The following STK32C variants were observed in gnomAD, a reference collection of about 807,000 sequenced individuals.
The protein encoded by STK32C is serine/threonine-protein kinase 32C.
STK32C carries 31 observed loss-of-function variants against 56.5 expected under a neutral mutation model. The ratio of observed to expected loss-of-function variants is 0.55; its 90% CI spans 0.41 to 0.74. STK32C has a LOEUF of 0.74. Among genes scored for constraint, STK32C ranks in the 30% least tolerant of loss-of-function variants. STK32C has a pLI of 0.00. For synonymous variants in STK32C, 309 were observed against 289.4 expected (o/e 1.07, Z -0.69); for missense variants, 544 against 676.9 (o/e 0.80, Z 2.18).
intron 2 of STK32C, among the ~76,000 whole-genome samples, chr10:132,229,955 G>A (rs1436145251): frequency 6.6e-6 from 1 of 152,262 alleles, no homozygotes; most frequent in African/African-American, 2.4e-5. Flanking sequence ...CGTGGCCTCA[G>A]CACCTCCCTG....
intron 2 of STK32C, among the ~76,000 whole-genome samples, chr10:132,239,470 A>C (rs2063422365): frequency 2.0e-5 from 3 of 152,226 alleles, no homozygotes; most frequent in South Asian, 2.1e-4. Flanking sequence ...CCATTGCTCC[A>C]AAGTCCCCAG....
chr10:132,228,190 C>T, intron 2 of STK32C, 62 bp from the exon 3 acceptor site: 1 of 1,609,930 alleles, frequency 6.2e-7, no homozygotes, highest in Non-Finnish European at 8.5e-7. Flanking sequence ...GTGGGGACAC[C>T]TGGAAATGCA....
At chr10:132,215,429 TG>T (rs2062439730) in intron 10 of STK32C, among the ~76,000 whole-genome samples, 1 of 152,062 alleles carries the variant, frequency 6.6e-6, no homozygotes, top group Non-Finnish European at 1.5e-5. Flanking sequence ...GATTGAATTA[TG>T]GGGGCGGGTC....
At chr10:132,282,692 A>G (rs1448252695) in intron 1 of STK32C, among the ~76,000 whole-genome samples, 1 of 152,278 alleles carries the variant, frequency 6.6e-6, no homozygotes, top group African/African-American at 2.4e-5. Flanking sequence ...GCTTGCCATT[A>G]AGGAAGCCGA....
Position 132,307,331 on chromosome 10 carries a change from C to G in STK32C, c.262+241G>C. ...ACGCCACAGCCGCGGGGGACCCTCGCCCCGAGGGCCCGGGCCCAGCCTGCT... is the reference window on the plus strand; with the variant it reads ...ACGCCACAGCCGCGGGGGACCCTCGGCCCGAGGGCCCGGGCCCAGCCTGCT... On this transcript the variant is annotated intron_variant, in intron 1 of 11. Transcript: ENST00000298630. The surrounding 1 kb of genome is among the most constrained non-coding windows in gnomAD (Gnocchi z 4.4). 1 of 364,912 alleles carries G rather than the reference C, an allele frequency of 2.7e-6. No individual in the cohort carries two copies. The highest frequency in any genetic ancestry group is 4.8e-6 in the Non-Finnish European group (1 of 206,732). The allele number at this position is 364,912 out of a possible 1,614,324, so 22.6% of individuals were successfully genotyped here. A position where few individuals can be genotyped will look rare whatever the true frequency, so the allele number is the denominator to read the frequency against.
chr10:132,212,602 G>A (rs1237794636), intron 10 of STK32C, among the ~76,000 whole-genome samples: 1 of 152,106 alleles, frequency 6.6e-6, no homozygotes, highest in Non-Finnish European at 1.5e-5. Context: ...TGCAAATGAT[G>A]CCCTCAAGAA....
chr10:132,272,865 T>C (rs1487828832), intron 1 of STK32C, among the ~76,000 whole-genome samples: 1 of 152,098 alleles, frequency 6.6e-6, no homozygotes, highest in Non-Finnish European at 1.5e-5. Context: ...CCCAGACCCC[T>C]CTGGCCTCGG....
At position 132,307,647 on chromosome 10, in the gene STK32C, T is replaced by G. The variant is rs2066119672; in HGVS notation, c.187A>C (p.Lys63Gln). 27 of 1,543,594 alleles carry G rather than the reference T, an allele frequency of 1.7e-5. No individual in the cohort carries two copies. The highest frequency in any genetic ancestry group is 2.4e-5 in the Non-Finnish European group (27 of 1,147,636). Residue 63 changes from lysine (K) to glutamine (Q), a missense_variant, in exon 1 of 12, where the codon AAG becomes CAG. Around this residue, in one of 3 missense-constraint regions of STK32C, gnomAD observed 182 missense variants for 217.7 expected, o/e 0.84. Coordinates refer to ENST00000298630, the MANE Select transcript of STK32C (RefSeq NM_173575.4). This position sits in a 1 kb window ranked among gnomAD's most constrained non-coding sequence, Gnocchi z 4.4. ...GACGAGCCCATCCTCTTCTTCCACTTGCTCCACTGAAACAGGGGGCGCGGC... is the reference window on the plus strand; with the variant it reads ...GACGAGCCCATCCTCTTCTTCCACTGGCTCCACTGAAACAGGGGGCGCGGC... Reference protein sequence around the residue: ...SQPRPLFQWSKWKKRMGSSMS... With the variant: ...SQPRPLFQWSQWKKRMGSSMS...
chr10:132,309,627 C>G (rs1410771241), upstream of STK32C, among the ~76,000 whole-genome samples: 1 of 152,192 alleles, frequency 6.6e-6, no homozygotes, highest in Non-Finnish European at 1.5e-5. Flanking sequence ...AGCAGGCACG[C>G]AGAAGGCAGT....
intron 1 of STK32C, among the ~76,000 whole-genome samples, chr10:132,281,088 A>G (rs1425827412): frequency 6.6e-6 from 1 of 151,218 alleles, no homozygotes; most frequent in African/African-American, 2.4e-5. Context: ...TTCTGTGATC[A>G]TGGCACTGCA....
chr10:132,313,552 G>A (rs981715239), intron 1 of STK32C, among the ~76,000 whole-genome samples: 11 of 152,268 alleles, frequency 7.2e-5, no homozygotes, highest in Non-Finnish European at 1.0e-4. Flanking sequence ...GGCTGCGAGA[G>A]CAGGAGTGGA....
In STK32C at chr10:132,261,932, A is replaced by G. The variant is rs117495595; in HGVS notation, c.263-15977T>C. Among the ~76,000 whole-genome samples the G allele has an allele frequency of 1.9e-3, 288 of 152,340 alleles. 9 individuals carry two copies. The East Asian group carries it at 0.049, about 26-fold the overall frequency. ...CTACAAAGTCATTTTTCACAGAAAC[A>G]GGAAAAACTATGCTAAAATTCACAT... On this transcript the variant is annotated intron_variant, in intron 1 of 11. Transcript: ENST00000298630.
At chr10:132,269,065 A>G (rs1732887207) in intron 1 of STK32C, among the ~76,000 whole-genome samples, 1 of 149,538 alleles carries the variant, frequency 6.7e-6, no homozygotes, top group Admixed American at 6.6e-5. Context: ...GTGTGCATGC[A>G]TGTGTATGCA....
At chr10:132,280,679 CG>C (rs371606393) in intron 1 of STK32C, among the ~76,000 whole-genome samples, 1,440 of 90,150 alleles carry the variant, frequency 0.016, 25 homozygotes, top group African/African-American at 0.047. Flanking sequence ...TCCGTGATCA[CG>C]CACCTCCACT....
chr10:132,307,343 G>A lies in STK32C; in HGVS notation c.262+229C>T. ...CGGGGGACCCTCGCCCCGAGGGCCC[G>A]GGCCCAGCCTGCTCCTCCTGCGGCG... On this transcript the variant is annotated intron_variant, in intron 1 of 11. Coordinates refer to ENST00000298630, the MANE Select transcript of STK32C (RefSeq NM_173575.4). This position sits in a 1 kb window ranked among gnomAD's most constrained non-coding sequence, Gnocchi z 4.4. 4 of 397,306 alleles carry A rather than the reference G, an allele frequency of 1.0e-5. No homozygotes were observed. The highest frequency in any genetic ancestry group is 4.8e-5 in the East Asian group (1 of 20,764). The allele number at this position is 397,306 out of a possible 1,614,324, so 24.6% of individuals were successfully genotyped here.
intron 2 of STK32C, among the ~76,000 whole-genome samples, chr10:132,233,947 G>C (rs771798996): frequency 5.9e-5 from 9 of 152,206 alleles, no homozygotes; most frequent in Non-Finnish European, 1.2e-4. Flanking sequence ...GATGGGCTGG[G>C]GCGCCGTCTG....
chr10:132,282,462 C>T (rs115611278), intron 1 of STK32C, among the ~76,000 whole-genome samples: 271 of 125,984 alleles, frequency 2.2e-3, no homozygotes, highest in South Asian at 5.2e-3. Flanking sequence ...CCTGTGCCTG[C>T]GCCCACCTGT....
intron 1 of STK32C, among the ~76,000 whole-genome samples, chr10:132,260,628 A>G (rs2064271477): frequency 6.6e-6 from 1 of 152,206 alleles, no homozygotes; most frequent in East Asian, 1.9e-4. Context: ...ACCTGCAAGC[A>G]GGGGCCAGCA....
At chr10:132,284,406 G>T (rs1358316767) in intron 1 of STK32C, among the ~76,000 whole-genome samples, 1 of 108,012 alleles carries the variant, frequency 9.3e-6, no homozygotes, top group Non-Finnish European at 2.0e-5. Context: ...AGGTTGCAGG[G>T]GCAGGTGAGG....
Sources: allele counts gnomAD v4.1 joint callset (sites outside exome capture counted in the v4.1 genomes callset), GRCh38; gene constraint gnomAD v4.1.1; regional missense constraint gnomAD v4.1.1; non-coding constraint Gnocchi (gnomAD v3.1); transcripts MANE v1.5; gene names NCBI Gene and HGNC (gene_info 2026-07-23, HGNC 2026-07-21).